Variants in THBS3 observed in about 807,000 individuals in gnomAD.
The protein encoded by THBS3 is thrombospondin 3.
Under a neutral mutation model 118.3 loss-of-function variants are expected in THBS3, and 78 were observed. That is an observed-to-expected ratio of 0.66 (90% CI 0.55 to 0.80). THBS3 has a LOEUF of 0.80. Among genes scored for constraint, THBS3 ranks in the 30% least tolerant of loss-of-function variants. THBS3 has a pLI of 0.00. For missense variants in THBS3, 1,057 were observed against 1,247.4 expected, an observed-to-expected ratio of 0.85 and a Z score of 2.30; for synonymous variants, 427 against 475.3, an observed-to-expected ratio of 0.90 and a Z score of 1.32.
rs2147988382 is a variant in THBS3 at position 155,202,931 on chromosome 1, G to T, written c.838C>A (p.Pro280Thr). 6.2e-7 allele frequency: 1 copy of T among 1,613,996 alleles called. No individual in the cohort carries two copies. The highest frequency in any genetic ancestry group is 2.2e-5 in the East Asian group (1 of 44,886). ...GFHEQRSHCS[P>T]NPCFRGVDCM... The stretch of plus-strand genomic sequence containing the variant: ...TCCACACCTCGGAAGCAGGGATTGG[G>T]GCTGCAGTGGGAACGCTGCTCATGG... The change falls in exon 8 of 23, where the codon CCC (proline) becomes ACC (threonine). Residue 280 changes from proline (P) to threonine (T), a missense_variant. This residue lies in a region of THBS3 where 544 missense variants were observed against 715.6 expected (regional missense o/e 0.76). Coordinates refer to ENST00000368378, the MANE Select transcript of THBS3 (RefSeq NM_007112.5). This position sits in a 1 kb window ranked among gnomAD's most constrained non-coding sequence, Gnocchi z 5.5.
chr1:155,197,054 C>G lies in THBS3; in HGVS notation c.2659G>C (p.Val887Leu), dbSNP rs762377780. The G allele has an allele frequency of 1.9e-6, 3 of 1,613,802 alleles. No individual in the cohort carries two copies. The highest frequency in any genetic ancestry group is 1.7e-6 in the Non-Finnish European group (2 of 1,179,814). ...CCCTCTCCTTACCGAATGTAGCCAA[C>G]TTGAGGCCGGTGCAGAAGCTGCCAG... ...YRWQLLHRPQ[V>L]GYIRVKLYEG... Residue 887 changes from valine to leucine, a missense_variant, in exon 21 of 23, where the codon GTT (valine) becomes CTT (leucine). By Grantham distance (32) the Val-to-Leu change is conservative. Transcript: ENST00000368378. This position sits in a 1 kb window ranked among gnomAD's most constrained non-coding sequence, Gnocchi z 5.0.
chr1:155,202,153 G>A lies in THBS3; in HGVS notation c.1098+108C>T, dbSNP rs533313498. ...CATTAAGCCCAGACCCAAAGCCGAT[G>A]CAAAGCCATCCATGTCCCATTCATC... On this transcript the variant is annotated intron_variant, in intron 9 of 22. Transcript: ENST00000368378. This position sits in a 1 kb window ranked among gnomAD's most constrained non-coding sequence, Gnocchi z 5.5. The A allele has an allele frequency of 6.3e-7, 1 of 1,598,146 alleles. No individual in the cohort carries two copies. The highest frequency in any genetic ancestry group is 1.7e-5 in the Admixed American group (1 of 59,146).
intron 14 of THBS3, 85 bp downstream of exon 14, chr1:155,200,366 A>G (rs1669510785): frequency 6.6e-7 from 1 of 1,525,540 alleles, no homozygotes; most frequent in East Asian, 2.3e-5. Context: ...TATTTCACAG[A>G]GACTTCCTAG....
chr1:155,205,048 C>T lies in THBS3; in HGVS notation c.543+12G>A. The T allele has an allele frequency of 1.9e-6, 3 of 1,612,988 alleles. No homozygotes were observed. Among genetic ancestry groups the T allele is most frequent in the Non-Finnish European group, 1.7e-6 (2 of 1,179,214 alleles). ...CTATTTCCACAGAACTCAGAGGCTC[C>T]TCCCGGCTCACCTGCATCCTCAAAT... On this transcript the variant is annotated intron_variant, in intron 3 of 22. Coordinates refer to ENST00000368378, the MANE Select transcript of THBS3 (RefSeq NM_007112.5).
chr1:155,197,023 C>G lies in THBS3; in HGVS notation c.2672+18G>C. The G allele has an allele frequency of 6.2e-7, 1 of 1,609,392 alleles. No homozygotes were observed. Among genetic ancestry groups the G allele is most frequent in the East Asian group, 2.2e-5 (1 of 44,716 alleles). On this transcript the variant is annotated intron_variant, in intron 21 of 22. Transcript: ENST00000368378. The surrounding 1 kb of genome is among the most constrained non-coding windows in gnomAD (Gnocchi z 5.0). The stretch of plus-strand genomic sequence containing the variant: ...GCCCGGCCTGAGTCCCACAGGTGGG[C>G]TCAGCCCCTCTCCTTACCGAATGTA...
At position 155,198,458 on chromosome 1, in the gene THBS3, A is replaced by G. The variant is rs990287171; in HGVS notation, c.2025T>C (p.Gly675=). The G allele has an allele frequency of 6.2e-7, 1 of 1,614,124 alleles. No homozygotes were observed. The highest frequency in any genetic ancestry group is 8.5e-7 in the Non-Finnish European group (1 of 1,180,008). Residue 675 remains glycine (G), a synonymous_variant, in exon 17 of 23, where the codon GGT becomes GGC. Transcript: ENST00000368378. ...NDGIPDYVPP[G]PDNCRLVPNP... is the part of the protein sequence containing the mutation. ...TGGGTACCAGGCGGCAGTTATCGGG[A>G]CCAGGAGGCACATAATCTGGGATGC... is the stretch of plus-strand genomic sequence containing the variant.
upstream of THBS3, chr1:155,207,950 G>A: frequency 7.8e-7 from 1 of 1,288,382 alleles, no homozygotes; most frequent in Non-Finnish European, 1.0e-6. Context: ...GAGAGCAGGA[G>A]CCGGGGGGCG....
chr1:155,206,520 A>C lies in THBS3; in HGVS notation c.80-114T>G. 1 of 911,704 alleles carries C rather than the reference A, an allele frequency of 1.1e-6. No individual in the cohort carries two copies. The highest frequency in any genetic ancestry group is 1.7e-6 in the Non-Finnish European group (1 of 591,054). The allele number at this position is 911,704 out of a possible 1,614,324, so 56.5% of individuals were successfully genotyped here. ...CCACCAGGCAGCGTTAGTCACCTCA[A>C]AATTCAACCCTTGGCTGGGCATGGT... On this transcript the variant is annotated intron_variant, in intron 1 of 22. Coordinates refer to ENST00000368378, the MANE Select transcript of THBS3 (RefSeq NM_007112.5). This position sits in a 1 kb window ranked among gnomAD's most constrained non-coding sequence, Gnocchi z 4.2.
intron 21 of THBS3, 197 bp from the exon 22 acceptor site, chr1:155,196,323 T>G (rs903248813): frequency 2.1e-5 from 13 of 605,814 alleles, no homozygotes; most frequent in Non-Finnish European, 3.2e-5. Flanking sequence ...CCTAGCTCTT[T>G]GTCCAGCTCC....
chr1:155,208,403 G>T (rs950432975), upstream of THBS3, among the ~76,000 whole-genome samples: 1 of 152,234 alleles, frequency 6.6e-6, no homozygotes, highest in Non-Finnish European at 1.5e-5. Flanking sequence ...ACAAGTGCCT[G>T]TTTCTCCATT....
chr1:155,198,325 CT>C (rs906457299), intron 17 of THBS3, 83 bp downstream of exon 17: 37 of 1,585,730 alleles, frequency 2.3e-5, no homozygotes, highest in Non-Finnish European at 3.0e-5. Flanking sequence ...CCACCTTGCC[CT>C]TCCTCACTTC....
At position 155,197,646 on chromosome 1, in the gene THBS3, G is replaced by C; in HGVS notation, c.2316C>G (p.Phe772Leu). 4.2e-6 allele frequency: 6 copies of C among 1,441,714 alleles called. No individual in the cohort carries two copies. Among genetic ancestry groups the C allele is most frequent in the Non-Finnish European group, 5.8e-6 (6 of 1,026,368 alleles). The allele number at this position is 1,441,714 out of a possible 1,614,324, so 89.3% of individuals were successfully genotyped here. The stretch of plus-strand genomic sequence containing the variant: ...AGGTGCCTTCAAAGTCCACACCATT[G>C]AAGGCCGTGTATCCTGGGGTGGGGG... ...DPGLAVGYTA[F>L]NGVDFEGTFH... The change falls in exon 20 of 23, where the codon TTC becomes TTG. Residue 772 changes from phenylalanine to leucine, a missense_variant. Coordinates refer to ENST00000368378, the MANE Select transcript of THBS3 (RefSeq NM_007112.5). The surrounding 1 kb of genome is among the most constrained non-coding windows in gnomAD (Gnocchi z 5.0).
rs757963784 is a variant in THBS3 at position 155,196,062 on chromosome 1, G to A, written c.2737C>T (p.Arg913Ter). ...DSGVIIDTSM[R>*]GGRLGVFCFS... ...CAGAATACACCAAGACGCCCCCCTCGCATGGATGTGTCAATGATCACCCCA... is the reference window on the plus strand; with the variant it reads ...CAGAATACACCAAGACGCCCCCCTCACATGGATGTGTCAATGATCACCCCA... The change falls in exon 22 of 23, where the codon CGA becomes TGA. Residue 913 changes from arginine to a stop codon, truncating the protein, a stop_gained. Transcript: ENST00000368378. LOFTEE classifies it high-confidence loss of function. 85 of 1,614,126 alleles carry A rather than the reference G, an allele frequency of 5.3e-5. No individual in the cohort carries two copies. The highest frequency in any genetic ancestry group is 1.6e-4 in the Middle Eastern group (1 of 6,062).
In THBS3 at chr1:155,204,860, C is replaced by T. The variant is rs1162148117; in HGVS notation, c.641G>A (p.Ser214Asn). The T allele has an allele frequency of 1.2e-6, 2 of 1,613,932 alleles. No individual in the cohort carries two copies. Among genetic ancestry groups the T allele is most frequent in the Non-Finnish European group, 8.5e-7 (1 of 1,179,984 alleles). ...CPFQGDESIH[S>N]AVTNALHSIL... is the part of the protein sequence containing the mutation. ...CAAACAAGTCTCTGTGTTACCTGCA[C>T]TGTGGATGGACTCGTCCCCTTGGAA... The change falls in exon 4 of 23, where the codon AGT becomes AAT. Residue 214 changes from serine (S) to asparagine (N), a missense_variant. Physicochemically the swap from Ser to Asn is conservative, Grantham distance 46 (BLOSUM62 1). Coordinates refer to ENST00000368378, the MANE Select transcript of THBS3 (RefSeq NM_007112.5).
chr1:155,200,310 A>G (rs894502608), intron 14 of THBS3, 141 bp downstream of exon 14: 2 of 1,108,484 alleles, frequency 1.8e-6, no homozygotes, highest in Non-Finnish European at 2.6e-6. Context: ...CATCTGCTGC[A>G]GGTAATCTCT....
rs185894454 is a variant in THBS3 at position 155,200,187 on chromosome 1, G to A, written c.1709-74C>T. On this transcript the variant is annotated intron_variant, in intron 14 of 22. Coordinates refer to ENST00000368378, the MANE Select transcript of THBS3 (RefSeq NM_007112.5). The stretch of plus-strand genomic sequence containing the variant: ...TCTCTTCTAGGTTGGTGAAAGTCCC[G>A]AACTTTGTCTCCCCACCCAGAGGAC... 567 of 1,359,796 alleles carry A rather than the reference G, an allele frequency of 4.2e-4. 1 individual carries two copies. The African/African-American group carries it at 6.1e-3, about 15-fold the overall frequency. 84.2% of individuals were successfully genotyped at this position (1,359,796 alleles called of 1,614,324 possible). A position where few individuals can be genotyped will look rare whatever the true frequency, so the allele number is the denominator to read the frequency against.
At chr1:155,201,770 T>G in intron 10 of THBS3, 187 bp downstream of exon 10, 3 of 1,025,910 alleles carry the variant, frequency 2.9e-6, no homozygotes, top group Non-Finnish European at 4.3e-6. Context: ...TCAGAAAAGT[T>G]AAATAACCTG....
Position 155,202,061 on chromosome 1 carries a change from C to T in THBS3, c.1099-27G>A, listed in dbSNP as rs1246674148. Reference sequence around the variant, plus strand: ...TGAAGGGGCAGACTTTGGGTGGAACCAGACCTATGGTGGGTCTCCTCAGAT... The same window carrying T: ...TGAAGGGGCAGACTTTGGGTGGAACTAGACCTATGGTGGGTCTCCTCAGAT... On this transcript the variant is annotated intron_variant, in intron 9 of 22. Coordinates refer to ENST00000368378, the MANE Select transcript of THBS3 (RefSeq NM_007112.5). This position sits in a 1 kb window ranked among gnomAD's most constrained non-coding sequence, Gnocchi z 5.5. 6.2e-7 allele frequency: 1 copy of T among 1,613,938 alleles called. No individual in the cohort carries two copies.
rs1670065513 is a variant in THBS3 at position 155,203,286 on chromosome 1, C to G, written c.693G>C (p.Leu231=). ...HSILGEQTKA[L]VTQLTLFNQI... The stretch of plus-strand genomic sequence containing the variant: ...GGTTGAAGAGGGTGAGTTGGGTGAC[C>G]AGCGCCTTGGTCTGCTCCCCTGTCG... The change falls in exon 6 of 23, where the codon CTG becomes CTC. Residue 231 remains leucine (L), a synonymous_variant. Coordinates refer to ENST00000368378, the MANE Select transcript of THBS3 (RefSeq NM_007112.5). 6.2e-7 allele frequency: 1 copy of G among 1,614,086 alleles called. No individual in the cohort carries two copies. Among genetic ancestry groups the G allele is most frequent in the Non-Finnish European group, 8.5e-7 (1 of 1,180,014 alleles).
Sources: gnomAD v4.1 joint callset for allele counts (sites outside exome capture counted in the v4.1 genomes callset) on GRCh38, gnomAD v4.1.1 for gene constraint, gnomAD v4.1.1 regional missense constraint, Gnocchi (gnomAD v3.1) non-coding constraint, MANE v1.5 for transcripts, NCBI Gene and HGNC (gene_info 2026-07-23, HGNC 2026-07-21) for gene names.